The following CCSER1 variants were observed in gnomAD, a reference collection of about 807,000 sequenced individuals.
CCSER1 encodes the protein coiled-coil serine rich protein 1.
CCSER1 carries 41 observed loss-of-function variants against 82.0 expected under a neutral mutation model. That is an observed-to-expected ratio of 0.50 (90% CI 0.39 to 0.65). The LOEUF (loss-of-function observed/expected upper bound fraction) is 0.65, where lower values mean the gene tolerates loss of function less well. Among genes scored for constraint, CCSER1 ranks in the 30% least tolerant of loss-of-function variants. The pLI is 0.00. For missense variants in CCSER1, 1,119 were observed against 1,064.2 expected, an observed-to-expected ratio of 1.05 and a Z score of -0.72; for synonymous variants, 414 against 383.9, an observed-to-expected ratio of 1.08 and a Z score of -0.92.
At chr4:91,339,197 G>T (rs376690942) in intron 10 of CCSER1, among the ~76,000 whole-genome samples, 99 of 152,092 alleles carry the variant, frequency 6.5e-4, no homozygotes, top group African/African-American at 2.1e-3. Context: ...TGATGTCCTG[G>T]GAAGGGAAAA....
intron 8 of CCSER1, among the ~76,000 whole-genome samples, chr4:90,877,209 T>G (rs1561290888): frequency 6.6e-6 from 1 of 152,118 alleles, no homozygotes; most frequent in Admixed American, 6.6e-5. Context: ...ATAGTCAGAG[T>G]TTGGAGCTAC....
chr4:90,831,830 G>T (rs1761148212), intron 8 of CCSER1, among the ~76,000 whole-genome samples: 1 of 151,952 alleles, frequency 6.6e-6, no homozygotes, highest in African/African-American at 2.4e-5. Flanking sequence ...AAGAGAAGAG[G>T]AAAAAATTAT....
intron 5 of CCSER1, among the ~76,000 whole-genome samples, chr4:90,611,420 C>G (rs1371236847): frequency 6.6e-6 from 1 of 152,076 alleles, no homozygotes; most frequent in South Asian, 2.1e-4. Flanking sequence ...TCCTTTGAAG[C>G]CTTGATATCC....
intron 9 of CCSER1, among the ~76,000 whole-genome samples, chr4:91,084,555 T>C (rs1408373871): frequency 1.3e-5 from 2 of 152,196 alleles, no homozygotes; most frequent in Non-Finnish European, 2.9e-5. Flanking sequence ...ATCTCCCAGA[T>C]GCAAAAATCT....
In CCSER1 at chr4:91,322,086, G is replaced by A. The variant is rs564878502; in HGVS notation, c.2217+236092G>A. 5.3e-5 allele frequency among the ~76,000 whole-genome samples: 8 copies of A among 152,144 alleles called. No homozygotes were observed. In the South Asian group the frequency reaches 1.7e-3, roughly 32 times the overall value. ...TGAATGAATTATTTAAAATGCCACT[G>A]AAAACAGAAACATTTATAGGAAAAA... On this transcript the variant is annotated intron_variant, in intron 10 of 10. Coordinates refer to ENST00000509176, the MANE Select transcript of CCSER1 (RefSeq NM_001145065.2).
In CCSER1 at chr4:90,422,509, C is replaced by T. The variant is rs142083482; in HGVS notation, c.1603+22380C>T. Among the ~76,000 whole-genome samples the T allele has an allele frequency of 4.9e-4, 75 of 152,176 alleles. 2 individuals carry two copies. The highest frequency in any genetic ancestry group is 1.7e-3 in the African/African-American group (72 of 41,522). On this transcript the variant is annotated intron_variant, in intron 4 of 10. Transcript: ENST00000509176. ...AGTTGGGAGGCTGGGGTGGGAGGAT[C>T]GCTTACACCCAGGAAGTTGAGGCTG... is the stretch of plus-strand genomic sequence containing the variant.
chr4:90,938,200 G>C (rs1413863798), intron 9 of CCSER1, among the ~76,000 whole-genome samples: 1 of 152,032 alleles, frequency 6.6e-6, no homozygotes, highest in Non-Finnish European at 1.5e-5. Flanking sequence ...AATTGTTGCA[G>C]ATTAGCAAAA....
At chr4:90,835,803 T>G (rs183745762) in intron 8 of CCSER1, among the ~76,000 whole-genome samples, 1 of 152,242 alleles carries the variant, frequency 6.6e-6, no homozygotes, top group Non-Finnish European at 1.5e-5. Context: ...TTTTATTCTA[T>G]GCAAGACATC....
chr4:90,313,842 T>C (rs187434001), intron 3 of CCSER1, among the ~76,000 whole-genome samples: 46 of 152,280 alleles, frequency 3.0e-4, no homozygotes, highest in Middle Eastern at 3.4e-3. Flanking sequence ...TTCTCACAAA[T>C]GTGTCCTTTT....
intron 3 of CCSER1, among the ~76,000 whole-genome samples, chr4:90,379,091 A>G (rs985868661): frequency 6.6e-6 from 1 of 152,230 alleles, no homozygotes; most frequent in African/African-American, 2.4e-5. Flanking sequence ...ATATAATGCC[A>G]AGAAATAAAC....
chr4:90,155,957 G>T (rs1187926795), intron 1 of CCSER1, among the ~76,000 whole-genome samples: 1 of 151,792 alleles, frequency 6.6e-6, no homozygotes, highest in African/African-American at 2.4e-5. Flanking sequence ...TCTTTTAATT[G>T]TGATGTTAGG....
chr4:90,543,089 A>G (rs977271619), intron 5 of CCSER1, among the ~76,000 whole-genome samples: 2 of 152,162 alleles, frequency 1.3e-5, no homozygotes, highest in Admixed American at 6.6e-5. Flanking sequence ...CTAAAGTATT[A>G]GAAACTGAAT....
At chr4:90,191,475 G>A (rs566222463) in intron 1 of CCSER1, among the ~76,000 whole-genome samples, 2 of 152,110 alleles carry the variant, frequency 1.3e-5, no homozygotes, top group Admixed American at 6.6e-5. Flanking sequence ...AAATTACCAA[G>A]AAGTGGAAAG....
intron 10 of CCSER1, among the ~76,000 whole-genome samples, chr4:91,096,278 G>C (rs1020062975): frequency 2.6e-5 from 4 of 152,118 alleles, no homozygotes; most frequent in Admixed American, 6.6e-5. Context: ...TGGTCTAGGG[G>C]CTGTGGGCTC....
At chr4:91,081,143 G>A (rs145269200) in intron 9 of CCSER1, among the ~76,000 whole-genome samples, 1,687 of 152,180 alleles carry the variant, frequency 0.011, 29 homozygotes, top group African/African-American at 0.039. Flanking sequence ...CATGAACATC[G>A]ATGCAAAAAT....
rs146904186 is a variant in CCSER1, at chr4:90,866,155, G to C, written c.2094+50310G>C. Among the ~76,000 whole-genome samples, 567 of 152,010 alleles carry C rather than the reference G, an allele frequency of 3.7e-3. 4 individuals carry two copies. The highest frequency in any genetic ancestry group is 0.012 in the African/African-American group (478 of 41,500). ...TCAACATGAGATTTGAGTGGCAACA[G>C]AGATGCAAACCATATCACTCCCCCA... On this transcript the variant is annotated intron_variant, in intron 8 of 10. Transcript: ENST00000509176.
chr4:91,122,469 GA>G (rs1727169502), intron 10 of CCSER1, among the ~76,000 whole-genome samples: 1 of 151,384 alleles, frequency 6.6e-6, no homozygotes, highest in East Asian at 1.9e-4. Flanking sequence ...TATACAACCT[GA>G]AAAACTATAT....
chr4:90,193,956 C>T (rs1736131429), intron 1 of CCSER1, among the ~76,000 whole-genome samples: 1 of 151,940 alleles, frequency 6.6e-6, no homozygotes, highest in South Asian at 2.1e-4. Flanking sequence ...TTTAAATATG[C>T]TGTATCAATT....
At chr4:91,397,906 A>G (rs1166072133) in intron 10 of CCSER1, among the ~76,000 whole-genome samples, 1 of 151,968 alleles carries the variant, frequency 6.6e-6, no homozygotes, top group Non-Finnish European at 1.5e-5. Flanking sequence ...CTGTTTTGGG[A>G]AGGAGATACC....
Sources: allele counts gnomAD v4.1 joint callset (sites outside exome capture counted in the v4.1 genomes callset), GRCh38; gene constraint gnomAD v4.1.1; transcripts MANE v1.5; gene names NCBI Gene and HGNC (gene_info 2026-07-23, HGNC 2026-07-21).